P4HB: variants seen among roughly 807,000 people sequenced by gnomAD.
The protein encoded by P4HB is prolyl 4-hydroxylase subunit beta.
In P4HB, 20 loss-of-function variants were observed where a neutral mutation model predicts 52.6. The ratio of observed to expected loss-of-function variants is 0.38; its 90% CI spans 0.27 to 0.55. The LOEUF (loss-of-function observed/expected upper bound fraction) is 0.55, where lower values mean the gene tolerates loss of function less well. Ranked by LOEUF, P4HB falls within the 20% of genes least tolerant of loss-of-function variation. P4HB has a pLI of 0.74. For synonymous variants in P4HB, 296 were observed against 277.9 expected, an observed-to-expected ratio of 1.07 and a Z score of -0.65; for missense variants, 601 against 669.2, an observed-to-expected ratio of 0.90 and a Z score of 1.12.
Position 81,846,359 on chromosome 17 carries a change from T to C in P4HB, c.1056+70A>G. 7.1e-7 allele frequency: 1 copy of C among 1,402,872 alleles called. No homozygotes were observed. Among genetic ancestry groups the C allele is most frequent in the East Asian group, 2.3e-5 (1 of 43,912 alleles). The allele number at this position is 1,402,872 out of a possible 1,614,324, so 86.9% of individuals were successfully genotyped here. On this transcript the variant is annotated intron_variant, in intron 7 of 10. Transcript: ENST00000331483. The surrounding 1 kb of genome is among the most constrained non-coding windows in gnomAD (Gnocchi z 5.7). ...ACTTTGAGGACGAAGCCCAGGACACTGAGAGCCCAGAGACCCCAAGGTGGC... is the reference window on the plus strand; with the variant it reads ...ACTTTGAGGACGAAGCCCAGGACACCGAGAGCCCAGAGACCCCAAGGTGGC...
intron 10 of P4HB, among the ~76,000 whole-genome samples, chr17:81,844,878 A>G (rs1325056194): frequency 6.6e-6 from 1 of 152,252 alleles, no homozygotes; most frequent in East Asian, 1.9e-4. Flanking sequence ...TGTGTCTGAA[A>G]AGGTTTTCTA....
intron 4 of P4HB, among the ~76,000 whole-genome samples, chr17:81,854,051 G>A (rs982870902): frequency 3.3e-5 from 5 of 152,256 alleles, no homozygotes; most frequent in East Asian, 1.9e-4. Context: ...GAAGGACAGC[G>A]GGATCAGGAT....
At chr17:81,845,031 A>G in intron 10 of P4HB, 113 bp downstream of exon 10, 1 of 872,994 alleles carries the variant, frequency 1.1e-6, no homozygotes, top group Middle Eastern at 2.5e-4. Context: ...CTGGACGCAC[A>G]GACGTGCCTC....
rs11558879 is a variant in P4HB at position 81,846,527 on chromosome 17, G to A, written c.958C>T (p.Leu320=). ...EECPAVRLIT[L]EEEMTKYKPE... ...TTGTACTTGGTCATCTCCTCCTCCA[G>A]GGTGATGAGGCGCACGGCCGGGCAC... is the stretch of plus-strand genomic sequence containing the variant. The change falls in exon 7 of 11, where the codon CTG becomes TTG. Residue 320 remains leucine, a synonymous_variant. Transcript: ENST00000331483. The surrounding 1 kb of genome is among the most constrained non-coding windows in gnomAD (Gnocchi z 5.7). 1.2e-6 allele frequency: 2 copies of A among 1,613,674 alleles called. No homozygotes were observed. The highest frequency in any genetic ancestry group is 1.7e-5 in the Admixed American group (1 of 60,010).
Position 81,847,224 on chromosome 17 carries a change from GGCTGCAGGGCAGCC to G in P4HB, c.729+5_729+18del, listed in dbSNP as rs745576584. The G allele has an allele frequency of 6.2e-7, 1 of 1,611,804 alleles. No homozygotes were observed. The highest frequency in any genetic ancestry group is 1.7e-5 in the Admixed American group (1 of 60,012). Reference sequence around the variant, plus strand: ...CACTCCTCCCCATCCCCAGCCTGGGGGCTGCAGGGCAGCCGCACCTGCTCGGTGAACTCGATGAC... The same window carrying G: ...CACTCCTCCCCATCCCCAGCCTGGGGGCACCTGCTCGGTGAACTCGATGAC... On this transcript the variant is annotated splice_donor_5th_base_variant and intron_variant, in intron 5 of 10. Coordinates refer to ENST00000331483, the MANE Select transcript of P4HB (RefSeq NM_000918.4).
intron 2 of P4HB, among the ~76,000 whole-genome samples, chr17:81,857,690 G>A (rs967352323): frequency 3.3e-5 from 5 of 152,304 alleles, no homozygotes; most frequent in Non-Finnish European, 7.4e-5. Flanking sequence ...CCCAGACCAG[G>A]AAGAAGATGA....
chr17:81,858,860 G>A lies in P4HB; in HGVS notation c.352+321C>T, dbSNP rs36033144. 2,144 of 320,480 alleles carry A rather than the reference G, an allele frequency of 6.7e-3. 22 individuals carry two copies. The highest frequency in any genetic ancestry group is 0.019 in the Middle Eastern group (21 of 1,088). 19.9% of individuals were successfully genotyped at this position (320,480 alleles called of 1,614,324 possible). On this transcript the variant is annotated intron_variant, in intron 2 of 10. Coordinates refer to ENST00000331483, the MANE Select transcript of P4HB (RefSeq NM_000918.4). ...GCCATGCTGCTGCTCCTAGGAACAG[G>A]GGGCAGCACAAACAGCCCATGTGGC...
chr17:81,859,482 T>C, intron 1 of P4HB, 95 bp from the exon 2 acceptor site: 1 of 1,122,028 alleles, frequency 8.9e-7, no homozygotes, highest in Admixed American at 1.8e-5. Context: ...GGCATTTCCC[T>C]TCATAAAAAC....
chr17:81,846,849 C>T lies in P4HB; in HGVS notation c.855+98G>A. 6.8e-7 allele frequency: 1 copy of T among 1,480,642 alleles called. No homozygotes were observed. The highest frequency in any genetic ancestry group is 9.3e-7 in the Non-Finnish European group (1 of 1,073,518). The allele number at this position is 1,480,642 out of a possible 1,614,324, so 91.7% of individuals were successfully genotyped here. A position where few individuals can be genotyped will look rare whatever the true frequency, so the allele number is the denominator to read the frequency against. On this transcript the variant is annotated intron_variant, in intron 6 of 10. Transcript: ENST00000331483. The surrounding 1 kb of genome is among the most constrained non-coding windows in gnomAD (Gnocchi z 5.7). ...CCTGAATCAGGTGCCCGATCCAGTC[C>T]AGCAGGCAGCCTCAGGAAGGCCCCA...
intron 4 of P4HB, among the ~76,000 whole-genome samples, chr17:81,852,141 C>T (rs1036169537): frequency 6.6e-6 from 1 of 152,210 alleles, no homozygotes; most frequent in African/African-American, 2.4e-5. Flanking sequence ...TGTGATTGTG[C>T]CACCGCACTC....
chr17:81,844,947 G>C (rs557871801), intron 10 of P4HB, among the ~76,000 whole-genome samples, 197 bp downstream of exon 10: 12 of 152,384 alleles, frequency 7.9e-5, no homozygotes, highest in Non-Finnish European at 1.3e-4. Context: ...GTGCTGGCCA[G>C]GGAGAGCTGT....
In P4HB at chr17:81,846,556, T is replaced by C. The variant is rs765973463; in HGVS notation, c.929A>G (p.Glu310Gly). 1 of 1,614,004 alleles carries C rather than the reference T, an allele frequency of 6.2e-7. No homozygotes were observed. The highest frequency in any genetic ancestry group is 8.5e-7 in the Non-Finnish European group (1 of 1,180,002). The change falls in exon 7 of 11, where the codon GAA (glutamate) becomes GGA (glycine). Residue 310 changes from glutamate to glycine, a missense_variant. Glu to Gly is a moderately conservative substitution (Grantham distance 98). Coordinates refer to ENST00000331483, the MANE Select transcript of P4HB (RefSeq NM_000918.4). This position sits in a 1 kb window ranked among gnomAD's most constrained non-coding sequence, Gnocchi z 5.7. ...RILEFFGLKKEECPAVRLITL... is the reference protein window; with the variant it reads ...RILEFFGLKKGECPAVRLITL... ...GATGAGGCGCACGGCCGGGCACTCT[T>C]CCTTCTTCAGGCCAAAGAACTCGAG...
At chr17:81,844,229 AC>A (rs2038697418) in intron 10 of P4HB, 137 bp from the exon 11 acceptor site, 1 of 746,070 alleles carries the variant, frequency 1.3e-6, no homozygotes, top group African/African-American at 1.7e-5. Flanking sequence ...GGAGCAGCCA[AC>A]CCTGGTCTTT....
chr17:81,845,847 G>C (rs1423620928), intron 8 of P4HB, 24 bp downstream of exon 8: 8 of 1,614,030 alleles, frequency 5.0e-6, no homozygotes, highest in Non-Finnish European at 6.8e-6. Flanking sequence ...CACGGACCTG[G>C]GGAGCTGAAA....
At position 81,855,295 on chromosome 17, in the gene P4HB, G is replaced by A. The variant is rs1239101928; in HGVS notation, c.487-16C>T. 5.6e-6 allele frequency: 9 copies of A among 1,613,558 alleles called. No homozygotes were observed. Among genetic ancestry groups the A allele is most frequent in the Non-Finnish European group, 6.8e-6 (8 of 1,179,982 alleles). ...ACTCCACGTCCTGAATGAGGAGGGA[G>A]AAGCAGAGGTCGTCATGATCCCGCA... On this transcript the variant is annotated splice_polypyrimidine_tract_variant and intron_variant, in intron 3 of 10. Transcript: ENST00000331483. The surrounding 1 kb of genome is among the most constrained non-coding windows in gnomAD (Gnocchi z 4.3).
At chr17:81,859,485 A>G (rs2038963691) in intron 1 of P4HB, 98 bp from the exon 2 acceptor site, 5 of 1,077,764 alleles carry the variant, frequency 4.6e-6, no homozygotes, top group Non-Finnish European at 7.0e-6. Flanking sequence ...ATTTCCCTTC[A>G]TAAAAACCTT....
intron 9 of P4HB, 124 bp downstream of exon 9, chr17:81,845,437 A>T (rs1206933997): frequency 5.1e-6 from 5 of 986,854 alleles, no homozygotes; most frequent in Non-Finnish European, 7.4e-6. Flanking sequence ...CTTCTGAAGG[A>T]GCTCCCACAG....
Position 81,855,030 on chromosome 17 carries a change from A to C in P4HB, c.624+112T>G. ...CTTGGCAAAGCTGCAGAACATACCT[A>C]TTGGGCCAAAGGTGCCAGGAGCAAG... On this transcript the variant is annotated intron_variant, in intron 4 of 10. Transcript: ENST00000331483. This position sits in a 1 kb window ranked among gnomAD's most constrained non-coding sequence, Gnocchi z 4.3. 3 of 1,043,566 alleles carry C rather than the reference A, an allele frequency of 2.9e-6. No individual in the cohort carries two copies. The highest frequency in any genetic ancestry group is 4.4e-6 in the Non-Finnish European group (3 of 680,964). The allele number at this position is 1,043,566 out of a possible 1,614,324, so 64.6% of individuals were successfully genotyped here. A position where few individuals can be genotyped will look rare whatever the true frequency, so the allele number is the denominator to read the frequency against.
At chr17:81,854,420 T>C (rs1048358366) in intron 4 of P4HB, among the ~76,000 whole-genome samples, 13 of 152,028 alleles carry the variant, frequency 8.6e-5, no homozygotes, top group Middle Eastern at 3.4e-3. Flanking sequence ...CACGCGCCTG[T>C]AGTTCCAGCT....
Sources: gnomAD v4.1 joint callset for allele counts (sites outside exome capture counted in the v4.1 genomes callset) on GRCh38, gnomAD v4.1.1 for gene constraint, Gnocchi (gnomAD v3.1) non-coding constraint, MANE v1.5 for transcripts, NCBI Gene and HGNC (gene_info 2026-07-23, HGNC 2026-07-21) for gene names.